PDCD6IP: variants seen among roughly 807,000 people sequenced by gnomAD.
The protein encoded by PDCD6IP is programmed cell death 6-interacting protein.
PDCD6IP carries 43 observed loss-of-function variants against 103.7 expected under a neutral mutation model. The observed-to-expected ratio is 0.41, with a 90% confidence interval of 0.32 to 0.53. The LOEUF (loss-of-function observed/expected upper bound fraction) is 0.53, where lower values mean the gene tolerates loss of function less well. Among genes scored for constraint, PDCD6IP ranks in the 20% least tolerant of loss-of-function variants. PDCD6IP has a pLI of 0.16. For missense variants in PDCD6IP, 871 were observed against 1,036.7 expected, an observed-to-expected ratio of 0.84 and a Z score of 2.20; for synonymous variants, 354 against 378.7, an observed-to-expected ratio of 0.93 and a Z score of 0.76.
In PDCD6IP at chr3:33,863,080, GATAA is replaced by G. The variant is rs548609836; in HGVS notation, c.2121-921_2121-918del. Among the ~76,000 whole-genome samples the G allele has an allele frequency of 8.9e-4, 135 of 152,056 alleles. 1 individual carries two copies. Among genetic ancestry groups the G allele is most frequent in the African/African-American group, 2.8e-3 (116 of 41,494 alleles). ...TGTTTTTTTCAGTTTTTGTTATATT[GATAA>G]ATAATTATACATATTATGGGGTACA... On this transcript the variant is annotated intron_variant, in intron 15 of 17. Coordinates refer to ENST00000307296, the MANE Select transcript of PDCD6IP (RefSeq NM_013374.6).
chr3:33,841,051 G>A (rs192932806), intron 9 of PDCD6IP, among the ~76,000 whole-genome samples: 19 of 144,792 alleles, frequency 1.3e-4, no homozygotes, highest in East Asian at 6.2e-4. Flanking sequence ...CCCCCGAGAC[G>A]GAGTCTCACT....
At chr3:33,812,830 C>A (rs1316805611) in intron 2 of PDCD6IP, among the ~76,000 whole-genome samples, 2 of 152,112 alleles carry the variant, frequency 1.3e-5, no homozygotes, top group Non-Finnish European at 2.9e-5. Flanking sequence ...GGGCAAAAGA[C>A]TAAAGCTGCT....
At chr3:33,805,155 G>C (rs983638881) in intron 1 of PDCD6IP, among the ~76,000 whole-genome samples, 5 of 152,050 alleles carry the variant, frequency 3.3e-5, no homozygotes, top group African/African-American at 9.7e-5. Flanking sequence ...AGGAGTTCGA[G>C]ATTAGCCTGG....
intron 13 of PDCD6IP, among the ~76,000 whole-genome samples, chr3:33,853,328 T>G (rs1242096274): frequency 6.6e-6 from 1 of 152,186 alleles, no homozygotes; most frequent in African/African-American, 2.4e-5. Context: ...TGGTTTTTTT[T>G]CCATATGGGA....
intron 4 of PDCD6IP, among the ~76,000 whole-genome samples, chr3:33,823,342 G>A (rs1319629167): frequency 6.6e-6 from 1 of 152,176 alleles, no homozygotes. Flanking sequence ...GGTGAGTGAT[G>A]CTGTTCTGAG....
At chr3:33,842,135 G>T in intron 10 of PDCD6IP, 61 bp downstream of exon 10, 17 of 1,004,634 alleles carry the variant, frequency 1.7e-5, no homozygotes, top group Non-Finnish European at 2.6e-5. Context: ...TGTCCAGCAG[G>T]GATTGGGACT....
chr3:33,820,868 G>A (rs903214689), intron 3 of PDCD6IP, among the ~76,000 whole-genome samples: 3 of 152,130 alleles, frequency 2.0e-5, no homozygotes, highest in Non-Finnish European at 4.4e-5. Flanking sequence ...ATGGGCATAC[G>A]TATATCTCTT....
rs1219635258 is a variant in PDCD6IP at position 33,869,513 on chromosome 3, G to A, written c.*2988G>A. On this transcript the variant is annotated 3_prime_UTR_variant, in exon 18 of 18. Transcript: ENST00000307296. Reference sequence around the variant, plus strand: ...AGAGAATATTCAGGCTTTATTTCTGGTATGAAGTTTATATTTTTTAAAAAA... The same window carrying A: ...AGAGAATATTCAGGCTTTATTTCTGATATGAAGTTTATATTTTTTAAAAAA... 1 of 152,076 alleles carries A rather than the reference G, an allele frequency of 6.6e-6. No individual in the cohort carries two copies. Among genetic ancestry groups the A allele is most frequent in the Non-Finnish European group, 1.5e-5 (1 of 67,988 alleles). 9.4% of individuals were successfully genotyped at this position (152,076 alleles called of 1,614,324 possible).
In PDCD6IP at chr3:33,867,560, TTTATAA is replaced by T. The variant is rs1698092620; in HGVS notation, c.*1038_*1043del. On this transcript the variant is annotated 3_prime_UTR_variant, in exon 18 of 18. Transcript: ENST00000307296. ...TTTTTTTCCTTAAAGATTGGAGTAT[TTTATAA>T]TTCAAGGAGCATACAAAACAATGGT... The T allele has an allele frequency of 1.3e-5, 2 of 152,204 alleles. No individual in the cohort carries two copies. The highest frequency in any genetic ancestry group is 1.3e-4 in the Admixed American group (2 of 15,282). 9.4% of individuals were successfully genotyped at this position (152,204 alleles called of 1,614,324 possible).
intron 4 of PDCD6IP, among the ~76,000 whole-genome samples, chr3:33,823,418 T>C (rs1697039925): frequency 6.6e-6 from 1 of 152,244 alleles, no homozygotes; most frequent in African/African-American, 2.4e-5. Context: ...CTTACAGTTT[T>C]GAATGGGCAT....
At chr3:33,853,036 G>T (rs984209932) in intron 13 of PDCD6IP, among the ~76,000 whole-genome samples, 3 of 150,696 alleles carry the variant, frequency 2.0e-5, no homozygotes, top group Non-Finnish European at 4.4e-5. Context: ...CCATTCTCCC[G>T]CTTCAGCCTC....
intron 15 of PDCD6IP, 32 bp from the exon 16 acceptor site, chr3:33,863,955 GTGTTAATTTTTTTCTATCA>G: frequency 8.5e-7 from 1 of 1,175,298 alleles, no homozygotes; most frequent in Non-Finnish European, 1.3e-6. Context: ...TATTTTATGT[GTGTTAATTTTTTTCTATCA>G]TGTTAATTTT....
intron 15 of PDCD6IP, among the ~76,000 whole-genome samples, chr3:33,863,222 A>G (rs1471848868): frequency 6.6e-6 from 1 of 152,226 alleles, no homozygotes; most frequent in Non-Finnish European, 1.5e-5. Context: ...TACAATGCAT[A>G]ATAATCAAAT....
intron 8 of PDCD6IP, among the ~76,000 whole-genome samples, chr3:33,836,692 CAAAA>C (rs199714705): frequency 2.4e-5 from 3 of 125,370 alleles, no homozygotes; most frequent in Admixed American, 7.8e-5. Flanking sequence ...CTGTCTCTAC[CAAAA>C]AAAAAAAAAA....
At chr3:33,804,783 T>C (rs1459318533) in intron 1 of PDCD6IP, among the ~76,000 whole-genome samples, 1 of 150,564 alleles carries the variant, frequency 6.6e-6, no homozygotes. Flanking sequence ...TTTGCCATAC[T>C]CTCTGCTGCA....
chr3:33,866,280 C>T, intron 17 of PDCD6IP, 71 bp from the exon 18 acceptor site: 1 of 998,312 alleles, frequency 1.0e-6, no homozygotes, highest in East Asian at 2.7e-5. Flanking sequence ...AAACGTAGTT[C>T]TAGAATGATT....
intron 12 of PDCD6IP, among the ~76,000 whole-genome samples, chr3:33,852,178 A>G (rs548072636): frequency 6.6e-6 from 1 of 152,308 alleles, no homozygotes; most frequent in East Asian, 1.9e-4. Flanking sequence ...ATAAATATAT[A>G]TACCCCATGG....
chr3:33,836,464 G>A (rs1319393686), intron 8 of PDCD6IP, among the ~76,000 whole-genome samples, 198 bp downstream of exon 8: 1 of 152,176 alleles, frequency 6.6e-6, no homozygotes, highest in Non-Finnish European at 1.5e-5. Context: ...CATATGTAAA[G>A]TATACAATAG....
chr3:33,849,650 A>G (rs568130819), intron 12 of PDCD6IP, among the ~76,000 whole-genome samples: 1 of 152,318 alleles, frequency 6.6e-6, no homozygotes, highest in African/African-American at 2.4e-5. Context: ...CTAATTATTT[A>G]TATACTTTGA....
Sources: allele counts gnomAD v4.1 joint callset (sites outside exome capture counted in the v4.1 genomes callset), GRCh38; gene constraint gnomAD v4.1.1; transcripts MANE v1.5; gene names NCBI Gene and HGNC (gene_info 2026-07-23, HGNC 2026-07-21).